Variants in ADAMTSL1 observed in about 807,000 individuals in gnomAD.
ADAMTSL1 encodes the protein ADAMTS-like protein 1.
In ADAMTSL1, 126 loss-of-function variants were observed where a neutral mutation model predicts 201.8. The observed-to-expected ratio is 0.62, with a 90% CI of 0.54 to 0.72. ADAMTSL1 has a LOEUF of 0.72. Ranked by LOEUF, ADAMTSL1 falls within the 30% of genes least tolerant of loss-of-function variation. The pLI is 0.00. For missense variants in ADAMTSL1, 2,679 were observed against 2,277.8 expected, an observed-to-expected ratio of 1.18 and a Z score of -3.59; for synonymous variants, 1,121 against 903.4, an observed-to-expected ratio of 1.24 and a Z score of -4.32.
chr9:18,465,252 G>A (rs923228010), intron 2 of ADAMTSL1, among the ~76,000 whole-genome samples: 1 of 152,152 alleles, frequency 6.6e-6, no homozygotes, highest in African/African-American at 2.4e-5. Context: ...GCTGCCAGAA[G>A]GATATATAGC....
intron 1 of ADAMTSL1, among the ~76,000 whole-genome samples, chr9:18,118,247 G>C (rs1042075461): frequency 6.6e-6 from 1 of 152,308 alleles, no homozygotes; most frequent in Non-Finnish European, 1.5e-5. Flanking sequence ...AGTGATTCTT[G>C]CTAATGATCA....
chr9:18,718,465 T>C lies in ADAMTSL1; in HGVS notation c.1877-3071T>C, dbSNP rs1587974887. The C allele has an allele frequency of 5.0e-6, 3 of 598,314 alleles. No homozygotes were observed. In the Middle Eastern group the frequency reaches 8.6e-4, roughly 171 times the overall value. 37.1% of individuals were successfully genotyped at this position (598,314 alleles called of 1,614,324 possible). A position where few individuals can be genotyped will look rare whatever the true frequency, so the allele number is the denominator to read the frequency against. On this transcript the variant is annotated intron_variant, in intron 14 of 28. Transcript: ENST00000380548. ...CAACAAAAATTCCTTGAACAAATTGTACATTCAAAGCAGACTTTCCAACGC... is the reference window on the plus strand; with the variant it reads ...CAACAAAAATTCCTTGAACAAATTGCACATTCAAAGCAGACTTTCCAACGC...
chr9:17,992,334 C>T (rs559821994), intron 1 of ADAMTSL1, among the ~76,000 whole-genome samples: 6 of 152,260 alleles, frequency 3.9e-5, no homozygotes, highest in African/African-American at 1.4e-4. Context: ...AAGTGGGTAC[C>T]TCCTAGTACT....
chr9:17,981,114 A>G (rs558691324), intron 1 of ADAMTSL1, among the ~76,000 whole-genome samples: 11 of 152,332 alleles, frequency 7.2e-5, no homozygotes, highest in African/African-American at 2.6e-4. Context: ...TCAAAGTTCA[A>G]CATAAGATTT....
rs747569650 is a variant in ADAMTSL1 at position 18,776,818 on chromosome 9, C to T, written c.2589C>T (p.Ile863=). ...GRPSTKHSPH[I]AAARKVYIQT... ...CATCCACGAAGCACAGCCCGCACAT[C>T]GCGGCCGCCAGGAAGGTCTACATAC... Residue 863 remains isoleucine (I), a synonymous_variant, in exon 19 of 29, where the codon ATC becomes ATT. Coordinates refer to ENST00000380548, the MANE Select transcript of ADAMTSL1 (RefSeq NM_001040272.6). The T allele has an allele frequency of 1.9e-6, 3 of 1,570,296 alleles. No individual in the cohort carries two copies. Among genetic ancestry groups the T allele is most frequent in the Non-Finnish European group, 1.7e-6 (2 of 1,158,178 alleles).
chr9:18,475,914 G>T (rs914051930), intron 1 of ADAMTSL1, among the ~76,000 whole-genome samples: 2 of 151,918 alleles, frequency 1.3e-5, no homozygotes, highest in Admixed American at 1.3e-4. Flanking sequence ...TTTGGTAAAC[G>T]CATTATATCC....
intron 2 of ADAMTSL1, among the ~76,000 whole-genome samples, chr9:18,459,788 G>A (rs181189618): frequency 5.8e-4 from 89 of 152,308 alleles, no homozygotes; most frequent in African/African-American, 2.0e-3. Flanking sequence ...ACATTGCTGA[G>A]TGTTTTGGAA....
chr9:18,531,242 C>G (rs1292259802), intron 2 of ADAMTSL1, among the ~76,000 whole-genome samples: 1 of 152,192 alleles, frequency 6.6e-6, no homozygotes, highest in Non-Finnish European at 1.5e-5. Context: ...TCTCAGCAGT[C>G]ATGAAAATCC....
At chr9:18,592,881 T>C (rs1412694100) in intron 4 of ADAMTSL1, among the ~76,000 whole-genome samples, 1 of 152,214 alleles carries the variant, frequency 6.6e-6, no homozygotes, top group African/African-American at 2.4e-5. Context: ...TTTTTTGGTG[T>C]ACTGTTCAGT....
chr9:18,117,334 G>A (rs763930821), intron 1 of ADAMTSL1, among the ~76,000 whole-genome samples: 13 of 152,004 alleles, frequency 8.6e-5, no homozygotes, highest in Admixed American at 3.3e-4. Flanking sequence ...TCTGGCCCTC[G>A]TTACTTTCTC....
intron 2 of ADAMTSL1, among the ~76,000 whole-genome samples, chr9:18,184,556 G>A (rs34427821): frequency 0.17 from 26,377 of 152,184 alleles, 2,627 homozygotes; most frequent in East Asian, 0.24. Flanking sequence ...TTTGCCTGTT[G>A]TCATTGGAAT....
chr9:17,976,672 C>G (rs965939055), intron 1 of ADAMTSL1, among the ~76,000 whole-genome samples: 2 of 151,760 alleles, frequency 1.3e-5, no homozygotes, highest in Non-Finnish European at 2.9e-5. Flanking sequence ...TCTCCACTCT[C>G]TCTTTCTCAC....
intron 1 of ADAMTSL1, among the ~76,000 whole-genome samples, chr9:18,019,832 ATAGAG>A (rs1324143139): frequency 6.6e-6 from 1 of 152,102 alleles, no homozygotes; most frequent in Admixed American, 6.6e-5. Context: ...AAGATGACTT[ATAGAG>A]TAGAGTCCAA....
chr9:18,603,252 C>T (rs1279364384), intron 4 of ADAMTSL1, among the ~76,000 whole-genome samples: 1 of 151,966 alleles, frequency 6.6e-6, no homozygotes, highest in Non-Finnish European at 1.5e-5. Context: ...AAACCAAGGC[C>T]TAGAAAGATG....
intron 1 of ADAMTSL1, among the ~76,000 whole-genome samples, chr9:18,016,358 G>A (rs1053200851): frequency 1.3e-5 from 2 of 151,998 alleles, no homozygotes; most frequent in African/African-American, 4.8e-5. Flanking sequence ...CTTGATGTCA[G>A]TAAACATAGA....
At chr9:18,089,643 T>G (rs541813442) in intron 1 of ADAMTSL1, among the ~76,000 whole-genome samples, 1 of 152,282 alleles carries the variant, frequency 6.6e-6, no homozygotes. Flanking sequence ...CTTGAGAACA[T>G]TATGCTATGA....
chr9:17,948,816 G>A (rs1827615701), intron 1 of ADAMTSL1, among the ~76,000 whole-genome samples: 1 of 152,196 alleles, frequency 6.6e-6, no homozygotes, highest in African/African-American at 2.4e-5. Context: ...CAAATGTAAT[G>A]GGCAGGATGC....
In ADAMTSL1 at chr9:18,805,918, C is replaced by T. The variant is rs150676648; in HGVS notation, c.3805+10394C>T. ...GCGGTCCTTGTGTCTGTTGTTGCCC[C>T]GTTTCCATTTATCTTCCACAAGTCT... On this transcript the variant is annotated intron_variant, in intron 20 of 28. Coordinates refer to ENST00000380548, the MANE Select transcript of ADAMTSL1 (RefSeq NM_001040272.6). 8.7e-4 allele frequency among the ~76,000 whole-genome samples: 132 copies of T among 152,282 alleles called. 2 individuals are homozygous for T. The South Asian group carries it at 0.015, about 17-fold the overall frequency.
chr9:18,134,280 A>T (rs1587129209), intron 1 of ADAMTSL1, among the ~76,000 whole-genome samples: 1 of 152,142 alleles, frequency 6.6e-6, no homozygotes, highest in Non-Finnish European at 1.5e-5. Context: ...GTGTGCTGCT[A>T]CTTATTTGAA....
Sources: allele counts gnomAD v4.1 joint callset (sites outside exome capture counted in the v4.1 genomes callset), GRCh38; gene constraint gnomAD v4.1.1; transcripts MANE v1.5; gene names NCBI Gene and HGNC (gene_info 2026-07-23, HGNC 2026-07-21).